Variants in PCDHA3 observed in about 807,000 individuals in gnomAD.
The protein encoded by PCDHA3 is protocadherin alpha 3.
A neutral mutation model predicts 62.2 loss-of-function variants in PCDHA3; 41 were observed. That is an observed-to-expected ratio of 0.66 (90% confidence interval 0.51 to 0.86). The LOEUF is 0.86. Among genes scored for constraint, PCDHA3 ranks in the 40% least tolerant of loss-of-function variants. The pLI is 0.00. For missense variants in PCDHA3, 1,304 were observed against 1,241.2 expected, an observed-to-expected ratio of 1.05 and a Z score of -0.76; for synonymous variants, 640 against 555.4, an observed-to-expected ratio of 1.15 and a Z score of -2.14.
rs782248969 is a variant in PCDHA3 at position 140,927,466 on chromosome 5, G to A, written c.2395-51483G>A. 67 of 1,614,044 alleles carry A rather than the reference G, an allele frequency of 4.2e-5. No homozygotes were observed. Among genetic ancestry groups the A allele is most frequent in the Non-Finnish European group, 5.4e-5 (64 of 1,180,052 alleles). Reference sequence around the variant, plus strand: ...GGAGTTGGTGTTGGAGAAAGCACTGGATCGCGAACAGCGCGCCACCCACCT... The same window carrying A: ...GGAGTTGGTGTTGGAGAAAGCACTGAATCGCGAACAGCGCGCCACCCACCT... On this transcript the variant is annotated intron_variant, in intron 1 of 3. Coordinates refer to ENST00000522353, the MANE Select transcript of PCDHA3 (RefSeq NM_018906.3).
chr5:140,913,821 A>G (rs2153527973), intron 1 of PCDHA3, among the ~76,000 whole-genome samples: 1 of 152,122 alleles, frequency 6.6e-6, no homozygotes, highest in East Asian at 1.9e-4. Context: ...TTCCTTTTAA[A>G]TTTCTTTATT....
chr5:140,807,708 C>T, intron 1 of PCDHA3: 1 of 1,614,112 alleles, frequency 6.2e-7, no homozygotes, highest in Non-Finnish European at 8.5e-7. Flanking sequence ...AGACTGAGCC[C>T]AAATGAATAC....
intron 1 of PCDHA3, chr5:140,821,615 A>C: frequency 2.4e-6 from 2 of 836,314 alleles, no homozygotes; most frequent in Middle Eastern, 3.3e-4. Context: ...CAGTGAGTAG[A>C]TTTTCCTTAG....
intron 1 of PCDHA3, among the ~76,000 whole-genome samples, chr5:140,833,628 T>G (rs1343901945): frequency 2.0e-5 from 3 of 152,146 alleles, no homozygotes; most frequent in African/African-American, 7.2e-5. Context: ...GAATACTTCC[T>G]CCTCAAAAAG....
chr5:140,957,446 C>T (rs1357499949), intron 1 of PCDHA3, among the ~76,000 whole-genome samples: 2 of 152,216 alleles, frequency 1.3e-5, no homozygotes, highest in East Asian at 1.9e-4. Context: ...TTATAAATCA[C>T]ACTTTATCAT....
intron 1 of PCDHA3, among the ~76,000 whole-genome samples, chr5:140,948,380 C>T (rs1554218531): frequency 2.6e-5 from 4 of 151,612 alleles, no homozygotes; most frequent in African/African-American, 4.8e-5. Flanking sequence ...GTTCCTTCCT[C>T]TATTTTCTGA....
At chr5:140,994,214 G>A (rs2153923643) in intron 3 of PCDHA3, among the ~76,000 whole-genome samples, 1 of 152,296 alleles carries the variant, frequency 6.6e-6, no homozygotes, top group South Asian at 2.1e-4. Flanking sequence ...ATGGGACCCA[G>A]GGTCTGTCTA....
At chr5:140,934,502 A>G (rs1311901724) in intron 1 of PCDHA3, among the ~76,000 whole-genome samples, 2 of 152,144 alleles carry the variant, frequency 1.3e-5, no homozygotes, top group Non-Finnish European at 2.9e-5. Flanking sequence ...TAAACACCCA[A>G]AGGGTCCATA....
Position 141,010,530 on chromosome 5 carries a change from A to T in PCDHA3, c.*593A>T, listed in dbSNP as rs188140091. 45 of 414,090 alleles carry T rather than the reference A, an allele frequency of 1.1e-4. No homozygotes were observed. In the Admixed American group the frequency reaches 1.6e-3, roughly 15 times the overall value. The allele number at this position is 414,090 out of a possible 1,614,324, so 25.7% of individuals were successfully genotyped here. On this transcript the variant is annotated 3_prime_UTR_variant, in exon 4 of 4. Coordinates refer to ENST00000522353, the MANE Select transcript of PCDHA3 (RefSeq NM_018906.3). ...TCTTACAACTCAAGAGGTGGCAGCC[A>T]CCCTCTAGGAGACAAAACTACCCCC... is the stretch of plus-strand genomic sequence containing the variant.
chr5:140,829,710 C>T (rs1554132175), intron 1 of PCDHA3: 2 of 1,613,312 alleles, frequency 1.2e-6, no homozygotes, highest in African/African-American at 2.7e-5. Context: ...GCGCGCGACG[C>T]GGGCGTGCCG....
intron 1 of PCDHA3, chr5:140,870,868 G>C (rs550915753): frequency 1.2e-6 from 2 of 1,613,944 alleles, no homozygotes; most frequent in Non-Finnish European, 1.7e-6. Context: ...TGCGGGCCAC[G>C]TGGTGGCGAA....
At chr5:140,807,239 C>G (rs782505608) in intron 1 of PCDHA3, 1 of 1,613,964 alleles carries the variant, frequency 6.2e-7, no homozygotes, top group African/African-American at 1.3e-5. Context: ...GCTGCTCTTA[C>G]TTCTTCTCCT....
intron 1 of PCDHA3, chr5:140,834,575 C>G (rs2150221484): frequency 6.2e-7 from 1 of 1,614,096 alleles, no homozygotes; most frequent in South Asian, 1.1e-5. Context: ...CGCGCCTGTT[C>G]CGGGCGGTGT....
intron 1 of PCDHA3, chr5:140,823,011 G>T: frequency 6.2e-7 from 1 of 1,614,246 alleles, no homozygotes; most frequent in Non-Finnish European, 8.5e-7. Flanking sequence ...ACAGCGCCCT[G>T]GACCGCGAGA....
chr5:140,967,073 G>T, intron 1 of PCDHA3: 1 of 1,613,160 alleles, frequency 6.2e-7, no homozygotes, highest in Non-Finnish European at 8.5e-7. Flanking sequence ...CTTCGTCAAC[G>T]AGCGCATTGA....
In PCDHA3 at chr5:140,835,966, T is replaced by C. The variant is rs2150249207; in HGVS notation, c.2394+32375T>C. The C allele has an allele frequency of 5.6e-6, 9 of 1,613,230 alleles. 1 individual carries two copies. In the South Asian group the frequency reaches 8.8e-5, roughly 16 times the overall value. On this transcript the variant is annotated intron_variant, in intron 1 of 3. Transcript: ENST00000522353. ...CTGCAGCCGTTGGACCACGAGGAGC[T>C]GGAGCTGTTGCAGTTCCAGGTGAGC... is the stretch of plus-strand genomic sequence containing the variant.
chr5:140,957,038 C>T (rs534661886), intron 1 of PCDHA3, among the ~76,000 whole-genome samples: 1 of 152,048 alleles, frequency 6.6e-6, no homozygotes, highest in South Asian at 2.1e-4. Context: ...TTATGGGAGT[C>T]ATATAAAATA....
intron 1 of PCDHA3, chr5:140,824,610 GTT>G (rs782443702): frequency 1.2e-4 from 11 of 95,112 alleles, no homozygotes; most frequent in South Asian, 3.6e-4. Flanking sequence ...GCTAATTAAA[GTT>G]TTTTTTTTTT....
intron 1 of PCDHA3, among the ~76,000 whole-genome samples, chr5:140,838,797 C>T (rs1775892609): frequency 6.6e-6 from 1 of 151,930 alleles, no homozygotes; most frequent in African/African-American, 2.4e-5. Flanking sequence ...TGATGCATGT[C>T]TGTAGTTTCA....
Sources: allele counts gnomAD v4.1 joint callset (sites outside exome capture counted in the v4.1 genomes callset), GRCh38; gene constraint gnomAD v4.1.1; transcripts MANE v1.5; gene names NCBI Gene and HGNC (gene_info 2026-07-23, HGNC 2026-07-21).